ALG14: variants seen among roughly 807,000 people sequenced by gnomAD.
ALG14 encodes ALG14 UDP-N-acetylglucosaminyltransferase subunit.
In ALG14, 17 loss-of-function variants were observed where a neutral mutation model predicts 22.8. The observed-to-expected ratio is 0.75, with a 90% CI of 0.51 to 1.12. ALG14 has a LOEUF of 1.12. Ranked by LOEUF, ALG14 falls within the 50% of genes most tolerant of loss-of-function variation. The pLI is 0.00. For synonymous variants in ALG14, 89 were observed against 103.7 expected (o/e 0.86, Z 0.86); for missense variants, 288 against 271.8 (o/e 1.06, Z -0.42).
intron 2 of ALG14, among the ~76,000 whole-genome samples, chr1:95,036,742 T>C (rs1337141218): frequency 1.3e-5 from 2 of 152,098 alleles, no homozygotes. Context: ...TTCTTTTCTT[T>C]ATAAATTACC....
At chr1:94,991,152 T>G (rs1248102993) in intron 3 of ALG14, among the ~76,000 whole-genome samples, 1 of 152,252 alleles carries the variant, frequency 6.6e-6, no homozygotes, top group Non-Finnish European at 1.5e-5. Context: ...GCAAAGATAA[T>G]ATGACAGGTA....
chr1:95,043,794 GAGAA>G (rs997585644), intron 2 of ALG14, among the ~76,000 whole-genome samples: 6 of 151,774 alleles, frequency 4.0e-5, no homozygotes, highest in African/African-American at 1.5e-4. Flanking sequence ...AGAGAGGAGA[GAGAA>G]AGAGAGGGTT....
chr1:95,064,903 A>G lies in ALG14; in HGVS notation c.251T>C (p.Phe84Ser). 6.2e-7 allele frequency: 1 copy of G among 1,614,032 alleles called. No individual in the cohort carries two copies. The highest frequency in any genetic ancestry group is 8.5e-7 in the Non-Finnish European group (1 of 1,179,906). The change falls in exon 2 of 4, where the codon TTT (phenylalanine) becomes TCT (serine). Residue 84 changes from phenylalanine (F) to serine (S), a missense_variant. Coordinates refer to ENST00000370205, the MANE Select transcript of ALG14 (RefSeq NM_144988.4). ...DEMSANKINS[F>S]ELDRADRDPS... The stretch of plus-strand genomic sequence containing the variant: ...GTCTCTATCAGCTCGATCTAGTTCA[A>G]AAGAATTTATTTTATTGGCACTCAT...
At chr1:94,987,942 C>A (rs566028581) in intron 3 of ALG14, among the ~76,000 whole-genome samples, 1 of 152,320 alleles carries the variant, frequency 6.6e-6, no homozygotes, top group East Asian at 1.9e-4. Flanking sequence ...CTGGCCCAAA[C>A]ACAGACTTTC....
At chr1:95,023,025 A>C (rs1197534350) in intron 3 of ALG14, among the ~76,000 whole-genome samples, 1 of 152,178 alleles carries the variant, frequency 6.6e-6, no homozygotes, top group Admixed American at 6.5e-5. Flanking sequence ...CTATACAAAC[A>C]GTGATAATCT....
At chr1:95,034,417 G>A (rs960693473) in intron 2 of ALG14, among the ~76,000 whole-genome samples, 1 of 152,120 alleles carries the variant, frequency 6.6e-6, no homozygotes, top group Admixed American at 6.5e-5. Context: ...GCACATCATG[G>A]GTACTCAGTA....
rs1343318117 is a variant in ALG14, at chr1:94,974,880, G to T, written c.*8196C>A. 1.3e-5 allele frequency: 2 copies of T among 152,212 alleles called. No individual in the cohort carries two copies. The highest frequency in any genetic ancestry group is 2.9e-5 in the Non-Finnish European group (2 of 68,054). The allele number at this position is 152,212 out of a possible 1,614,324, so 9.4% of individuals were successfully genotyped here. On this transcript the variant is annotated 3_prime_UTR_variant, in exon 4 of 4. Coordinates refer to ENST00000370205, the MANE Select transcript of ALG14 (RefSeq NM_144988.4). ...AAGGTGTCTGAGCCTCAGCTGGGAA[G>T]ACCAGAAAGCCTGGAGTGACTCAAA...
In ALG14 at chr1:94,982,963, A is replaced by T; in HGVS notation, c.*113T>A. 3 of 810,362 alleles carry T rather than the reference A, an allele frequency of 3.7e-6. No individual in the cohort carries two copies. Among genetic ancestry groups the T allele is most frequent in the Non-Finnish European group, 6.0e-6 (3 of 503,836 alleles). 50.2% of individuals were successfully genotyped at this position (810,362 alleles called of 1,614,324 possible). ...ACATTTTTTATTCCTTACCATCAAT[A>T]ATTCTCAGGACTGTCAGACGCCTTT... On this transcript the variant is annotated 3_prime_UTR_variant, in exon 4 of 4. Coordinates refer to ENST00000370205, the MANE Select transcript of ALG14 (RefSeq NM_144988.4).
intron 2 of ALG14, among the ~76,000 whole-genome samples, chr1:95,028,122 A>G (rs934155547): frequency 3.3e-5 from 5 of 152,208 alleles, no homozygotes; most frequent in African/African-American, 1.2e-4. Flanking sequence ...AAATACTCAC[A>G]TGCATACATA....
At chr1:95,015,595 C>T (rs1673476700) in intron 3 of ALG14, among the ~76,000 whole-genome samples, 3 of 152,182 alleles carry the variant, frequency 2.0e-5, no homozygotes, top group African/African-American at 7.2e-5. Flanking sequence ...AAATCAGGTG[C>T]ATGTGGATAA....
chr1:95,053,530 C>T (rs7532771), intron 2 of ALG14, among the ~76,000 whole-genome samples: 3,098 of 152,176 alleles, frequency 0.02, 101 homozygotes, highest in African/African-American at 0.071. Context: ...TTTTTACATA[C>T]CTGTCTCTGT....
chr1:95,017,581 G>A (rs1673539805), intron 3 of ALG14, among the ~76,000 whole-genome samples: 1 of 152,112 alleles, frequency 6.6e-6, no homozygotes, highest in Non-Finnish European at 1.5e-5. Flanking sequence ...GAGGGGAGAG[G>A]TGTAGATGAG....
At chr1:95,046,835 C>T (rs76583593) in intron 2 of ALG14, among the ~76,000 whole-genome samples, 7,102 of 152,222 alleles carry the variant, frequency 0.047, 224 homozygotes, top group South Asian at 0.083. Flanking sequence ...CAGTGGCTTA[C>T]GCCTGTAATC....
chr1:95,070,880 T>C (rs1675538821), intron 1 of ALG14, among the ~76,000 whole-genome samples: 2 of 152,002 alleles, frequency 1.3e-5, no homozygotes, highest in Non-Finnish European at 2.9e-5. Context: ...GGACTATAGG[T>C]GCATGCCACC....
At position 94,983,150 on chromosome 1, in the gene ALG14, C is replaced by G. The variant is rs995053145; in HGVS notation, c.577G>C (p.Asp193His). 3.1e-6 allele frequency: 5 copies of G among 1,613,982 alleles called. No individual in the cohort carries two copies. In the African/African-American group the frequency reaches 6.7e-5, roughly 22 times the overall value. ...GCCGGCCACTGAACAATGAAGTAAT[C>G]TGAGAGATGAAACAGAATCTTTCCG... ...MSGKILFHLS[D>H]YFIVQWPALK... Residue 193 changes from aspartate to histidine, a missense_variant, in exon 4 of 4, where the codon GAT becomes CAT. By Grantham distance (81) the Asp-to-His change is moderately conservative. Coordinates refer to ENST00000370205, the MANE Select transcript of ALG14 (RefSeq NM_144988.4).
intron 2 of ALG14, among the ~76,000 whole-genome samples, chr1:95,039,512 G>C (rs1477597639): frequency 6.6e-6 from 1 of 152,166 alleles, no homozygotes; most frequent in Non-Finnish European, 1.5e-5. Flanking sequence ...TACCTAGGGT[G>C]AACGGTACTG....
chr1:95,036,047 T>C (rs188830300), intron 2 of ALG14, among the ~76,000 whole-genome samples: 1 of 151,880 alleles, frequency 6.6e-6, no homozygotes, highest in African/African-American at 2.4e-5. Context: ...TACCACAAAA[T>C]TTTTTTTTAT....
rs1672492916 is a variant in ALG14 at position 94,981,522 on chromosome 1, T to C, written c.*1554A>G. On this transcript the variant is annotated 3_prime_UTR_variant, in exon 4 of 4. Coordinates refer to ENST00000370205, the MANE Select transcript of ALG14 (RefSeq NM_144988.4). Reference sequence around the variant, plus strand: ...TCAGCCTCAGGATTTTAATCTTACATGATCGTGGATAATCATGTCTCTTTT... The same window carrying C: ...TCAGCCTCAGGATTTTAATCTTACACGATCGTGGATAATCATGTCTCTTTT... 6.6e-6 allele frequency: 1 copy of C among 150,560 alleles called. No homozygotes were observed. The highest frequency in any genetic ancestry group is 2.4e-5 in the African/African-American group (1 of 41,096). The allele number at this position is 150,560 out of a possible 1,614,324, so 9.3% of individuals were successfully genotyped here.
intron 3 of ALG14, among the ~76,000 whole-genome samples, chr1:95,001,950 ATAGAG>A (rs1301121836): frequency 6.6e-6 from 1 of 152,232 alleles, no homozygotes; most frequent in Non-Finnish European, 1.5e-5. Flanking sequence ...CTAATAAACT[ATAGAG>A]TAGAGACCTG....
Sources: gnomAD v4.1 joint callset for allele counts (sites outside exome capture counted in the v4.1 genomes callset) on GRCh38, gnomAD v4.1.1 for gene constraint, MANE v1.5 for transcripts, NCBI Gene and HGNC (gene_info 2026-07-23, HGNC 2026-07-21) for gene names.